Variants in DNAL1 observed in about 807,000 individuals in gnomAD.
The protein encoded by DNAL1 is chromosome 14 open reading frame 168.
A neutral mutation model predicts 29.4 loss-of-function variants in DNAL1; 17 were observed. The observed-to-expected ratio is 0.58, with a 90% confidence interval of 0.40 to 0.87. The LOEUF (loss-of-function observed/expected upper bound fraction) is 0.87. Among genes scored for constraint, DNAL1 ranks in the 40% least tolerant of loss-of-function variants. The pLI is 0.00. For missense variants in DNAL1, 188 were observed against 214.1 expected (o/e 0.88, Z 0.76); for synonymous variants, 78 against 76.3 (o/e 1.02, Z -0.12).
At chr14:73,654,765 AATACATAC>A (rs540475697) in intron 1 of DNAL1, 74 bp from the exon 2 acceptor site, 37 of 1,287,428 alleles carry the variant, frequency 2.9e-5, no homozygotes, top group Admixed American at 2.3e-4. Context: ...TCTCAAAATA[AATACATAC>A]ATACATACAT....
At chr14:73,694,643 A>G (rs17129418) in intron 7 of DNAL1, among the ~76,000 whole-genome samples, 18,155 of 151,804 alleles carry the variant, frequency 0.12, 2,167 homozygotes, top group East Asian at 0.63. Context: ...GTGATTACAC[A>G]TTTTATTGTG....
chr14:73,653,527 T>TA (rs1891152907), intron 1 of DNAL1, among the ~76,000 whole-genome samples: 1 of 152,006 alleles, frequency 6.6e-6, no homozygotes, highest in African/African-American at 2.4e-5. Context: ...AATTTTTTTT[T>TA]AATTTTGTTT....
chr14:73,700,549 C>G lies in DNAL1; in HGVS notation c.*4607C>G, dbSNP rs1388371424. On this transcript the variant is annotated 3_prime_UTR_variant, in exon 8 of 8. Transcript: ENST00000553645. ...TCTTCTACCTGGGTTTTTCTCAGGGCTAAATGGAAAAGCACAGGGCCCAGA... is the reference window on the plus strand; with the variant it reads ...TCTTCTACCTGGGTTTTTCTCAGGGGTAAATGGAAAAGCACAGGGCCCAGA... 1 of 152,116 alleles carries G rather than the reference C, an allele frequency of 6.6e-6. No individual in the cohort carries two copies. The highest frequency in any genetic ancestry group is 1.5e-5 in the Non-Finnish European group (1 of 68,020). 9.4% of individuals were successfully genotyped at this position (152,116 alleles called of 1,614,324 possible).
intron 1 of DNAL1, among the ~76,000 whole-genome samples, chr14:73,645,753 C>A (rs1324096540): frequency 6.6e-6 from 1 of 152,168 alleles, no homozygotes; most frequent in Non-Finnish European, 1.5e-5. Context: ...GCTGTCTATC[C>A]AATGAGAGCT....
intron 3 of DNAL1, among the ~76,000 whole-genome samples, chr14:73,660,437 T>G (rs1433133481): frequency 6.6e-6 from 1 of 152,200 alleles, no homozygotes; most frequent in East Asian, 1.9e-4. Flanking sequence ...GGTTTTTTTC[T>G]GATTTCTTCA....
At chr14:73,674,440 C>T (rs1334091189) in intron 5 of DNAL1, among the ~76,000 whole-genome samples, 1 of 152,108 alleles carries the variant, frequency 6.6e-6, no homozygotes, top group Admixed American at 6.5e-5. Flanking sequence ...TCAAAGGTGA[C>T]CCAATCACGA....
Position 73,699,358 on chromosome 14 carries a change from T to C in DNAL1, c.*3416T>C, listed in dbSNP as rs1389347260. The C allele has an allele frequency of 1.3e-5, 2 of 151,342 alleles. No homozygotes were observed. Among genetic ancestry groups the C allele is most frequent in the African/African-American group, 4.9e-5 (2 of 41,112 alleles). The allele number at this position is 151,342 out of a possible 1,614,324, so 9.4% of individuals were successfully genotyped here. Reference sequence around the variant, plus strand: ...TCTCGCTCTGTTACCTAGGCTGGAGTGCAGTGGCGCAATCTCAGCTCACTG... The same window carrying C: ...TCTCGCTCTGTTACCTAGGCTGGAGCGCAGTGGCGCAATCTCAGCTCACTG... On this transcript the variant is annotated 3_prime_UTR_variant, in exon 8 of 8. Transcript: ENST00000553645.
chr14:73,677,316 G>A (rs1891757327), intron 5 of DNAL1, among the ~76,000 whole-genome samples: 1 of 151,500 alleles, frequency 6.6e-6, no homozygotes, highest in South Asian at 2.1e-4. Context: ...AGGCAAAATG[G>A]AGTCTGGTGG....
chr14:73,658,984 T>C, intron 3 of DNAL1, 28 bp downstream of exon 3: 2 of 1,366,094 alleles, frequency 1.5e-6, no homozygotes, highest in Non-Finnish European at 1.9e-6. Flanking sequence ...CCTTCCAGTA[T>C]TGCTGTTAGG....
At chr14:73,688,017 T>A (rs1220807188) in intron 6 of DNAL1, among the ~76,000 whole-genome samples, 2 of 151,654 alleles carry the variant, frequency 1.3e-5, no homozygotes, top group Non-Finnish European at 2.9e-5. Flanking sequence ...GTGAAAGAAC[T>A]TGAAAAAAAA....
chr14:73,692,545 G>C (rs1482006299), intron 7 of DNAL1, among the ~76,000 whole-genome samples: 1 of 151,552 alleles, frequency 6.6e-6, no homozygotes, highest in Non-Finnish European at 1.5e-5. Context: ...TGTAATCCCA[G>C]CTATTCGGGA....
chr14:73,667,677 A>G (rs1465487243), intron 4 of DNAL1, among the ~76,000 whole-genome samples: 1 of 151,760 alleles, frequency 6.6e-6, no homozygotes, highest in African/African-American at 2.4e-5. Flanking sequence ...TTTTTTTGGT[A>G]TTTTTATAGA....
At chr14:73,695,373 T>G (rs577170674) in intron 7 of DNAL1, among the ~76,000 whole-genome samples, 1 of 152,084 alleles carries the variant, frequency 6.6e-6, no homozygotes, top group African/African-American at 2.4e-5. Context: ...CATTTTTATT[T>G]GCGATTTGGC....
chr14:73,661,660 G>T (rs903782560), intron 3 of DNAL1, among the ~76,000 whole-genome samples: 21 of 152,072 alleles, frequency 1.4e-4, no homozygotes, highest in African/African-American at 3.9e-4. Context: ...CAGGAGAATT[G>T]CTTGAACCGG....
chr14:73,677,009 C>T (rs1891750448), intron 5 of DNAL1, among the ~76,000 whole-genome samples: 1 of 144,960 alleles, frequency 6.9e-6, no homozygotes, highest in African/African-American at 2.6e-5. Context: ...CTTGCTCTGT[C>T]GCCCAGGCTA....
chr14:73,681,633 A>ATATATATAT (rs1397342699), intron 5 of DNAL1, among the ~76,000 whole-genome samples: 2 of 35,414 alleles, frequency 5.6e-5, no homozygotes, highest in African/African-American at 4.3e-4. Context: ...AAAAAAAAAA[A>ATATATATAT]ATATATATAT....
At chr14:73,681,600 T>G (rs1367130057) in intron 5 of DNAL1, among the ~76,000 whole-genome samples, 2 of 79,654 alleles carry the variant, frequency 2.5e-5, no homozygotes, top group African/African-American at 1.2e-4. Context: ...AGACCCCATC[T>G]CTACCAAAAA....
chr14:73,696,190 TCA>T lies in DNAL1; in HGVS notation c.*249_*250del, dbSNP rs1892297300. The stretch of plus-strand genomic sequence containing the variant: ...AAATTTTCGATTTTTGTCTTCAGTC[TCA>T]GTTACGTACTGTGTAGCCCCATCTA... On this transcript the variant is annotated 3_prime_UTR_variant, in exon 8 of 8. Transcript: ENST00000553645. The T allele has an allele frequency of 2.5e-6, 1 of 399,988 alleles. No homozygotes were observed. Among genetic ancestry groups the T allele is most frequent in the African/African-American group, 2.1e-5 (1 of 48,350 alleles). 24.8% of individuals were successfully genotyped at this position (399,988 alleles called of 1,614,324 possible).
chr14:73,668,738 A>G (rs1891545079), intron 4 of DNAL1, among the ~76,000 whole-genome samples: 1 of 151,938 alleles, frequency 6.6e-6, no homozygotes, highest in Admixed American at 6.6e-5. Flanking sequence ...GTGCAATGGC[A>G]CGATCTTGGC....
Sources: gnomAD v4.1 joint callset for allele counts (sites outside exome capture counted in the v4.1 genomes callset) on GRCh38, gnomAD v4.1.1 for gene constraint, MANE v1.5 for transcripts, NCBI Gene and HGNC (gene_info 2026-07-23, HGNC 2026-07-21) for gene names.